The following SRGAP1 variants were observed in gnomAD, a reference collection of about 807,000 sequenced individuals.
SRGAP1 encodes the protein SLIT-ROBO Rho GTPase-activating protein 1.
A neutral mutation model predicts 121.9 loss-of-function variants in SRGAP1; 43 were observed. That is an observed-to-expected ratio of 0.35 (90% CI 0.28 to 0.46). SRGAP1 has a LOEUF of 0.46. Ranked by LOEUF, SRGAP1 falls within the 20% of genes least tolerant of loss-of-function variation. The probability of loss-of-function intolerance (pLI) is 1.00; values close to 1 mark genes in which losing one functional copy is unlikely to be tolerated. For missense variants in SRGAP1, 1,102 were observed against 1,350.9 expected, an observed-to-expected ratio of 0.82 and a Z score of 2.89; for synonymous variants, 447 against 485.4, an observed-to-expected ratio of 0.92 and a Z score of 1.04.
rs779037719 is a variant in SRGAP1, at chr12:63,844,900, C to G, written c.67+17C>G. The G allele has an allele frequency of 6.2e-7, 1 of 1,612,112 alleles. No individual in the cohort carries two copies. Among genetic ancestry groups the G allele is most frequent in the Non-Finnish European group, 8.5e-7 (1 of 1,178,270 alleles). On this transcript the variant is annotated intron_variant, in intron 1 of 21. Transcript: ENST00000355086. The surrounding 1 kb of genome is among the most constrained non-coding windows in gnomAD (Gnocchi z 4.3). ...AAGTCAAAGGTAAGGATGGGAGCGG[C>G]TGCCTTGCTCCTTTTGTGTGCCTTC...
At chr12:64,099,378 T>A (rs1165716628) in intron 15 of SRGAP1, among the ~76,000 whole-genome samples, 1 of 152,190 alleles carries the variant, frequency 6.6e-6, no homozygotes, top group Non-Finnish European at 1.5e-5. Flanking sequence ...CTAACATTTG[T>A]CCACTCCCGA....
intron 4 of SRGAP1, among the ~76,000 whole-genome samples, chr12:64,020,372 G>A (rs899052978): frequency 6.6e-6 from 1 of 152,112 alleles, no homozygotes; most frequent in Non-Finnish European, 1.5e-5. Context: ...AGACAGGATG[G>A]TGGCATTAGA....
chr12:64,051,668 C>T (rs904458011), intron 6 of SRGAP1, among the ~76,000 whole-genome samples: 1 of 152,100 alleles, frequency 6.6e-6, no homozygotes, highest in African/African-American at 2.4e-5. Flanking sequence ...TAGAGGTGAT[C>T]TAATGGTTTT....
chr12:64,014,971 C>A (rs7974336), intron 3 of SRGAP1, among the ~76,000 whole-genome samples: 1 of 64,472 alleles, frequency 1.6e-5, no homozygotes, highest in Admixed American at 1.4e-4. Context: ...TGTGTGCCAC[C>A]ACACCTGGCT....
At chr12:63,916,871 T>TC (rs1402092097) in intron 1 of SRGAP1, among the ~76,000 whole-genome samples, 2 of 152,166 alleles carry the variant, frequency 1.3e-5, no homozygotes, top group African/African-American at 4.8e-5. Flanking sequence ...CATTTATTTC[T>TC]CCTTGATTAA....
chr12:63,906,019 C>T (rs1164984785), intron 1 of SRGAP1, among the ~76,000 whole-genome samples: 1 of 152,076 alleles, frequency 6.6e-6, no homozygotes, highest in African/African-American at 2.4e-5. Context: ...AAAAGTTGGC[C>T]CCCTCATCTT....
intron 9 of SRGAP1, 84 bp from the exon 10 acceptor site, chr12:64,080,202 C>T: frequency 8.9e-7 from 1 of 1,129,768 alleles, no homozygotes; most frequent in Non-Finnish European, 1.2e-6. Context: ...AAGATCGCGC[C>T]ACTGCACTCC....
At chr12:64,009,470 C>T (rs2034189532) in intron 3 of SRGAP1, among the ~76,000 whole-genome samples, 1 of 152,152 alleles carries the variant, frequency 6.6e-6, no homozygotes, top group African/African-American at 2.4e-5. Flanking sequence ...TCAGCCCATT[C>T]AAATACTGTT....
At chr12:63,864,368 G>A (rs1899554082) in intron 1 of SRGAP1, among the ~76,000 whole-genome samples, 1 of 152,076 alleles carries the variant, frequency 6.6e-6, no homozygotes, top group Non-Finnish European at 1.5e-5. Context: ...CCCATTTTCA[G>A]ATACCATATA....
chr12:63,851,100 G>C (rs552363867), intron 1 of SRGAP1, among the ~76,000 whole-genome samples: 1 of 152,296 alleles, frequency 6.6e-6, no homozygotes. Flanking sequence ...AGGTTGCAGT[G>C]AGCTGAGATT....
At position 64,145,657 on chromosome 12, in the gene SRGAP1, G is replaced by A. The variant is rs2037040843; in HGVS notation, c.*2985G>A. On this transcript the variant is annotated 3_prime_UTR_variant, in exon 22 of 22. Transcript: ENST00000355086. ...TTACTTGGTTTATTAAATGTCTTCAGATTCCAGAGATAAGACAAGGTGGCC... is the reference window on the plus strand; with the variant it reads ...TTACTTGGTTTATTAAATGTCTTCAAATTCCAGAGATAAGACAAGGTGGCC... The A allele has an allele frequency of 6.6e-6, 1 of 151,800 alleles. No homozygotes were observed. 9.4% of individuals were successfully genotyped at this position (151,800 alleles called of 1,614,324 possible).
Position 64,144,909 on chromosome 12 carries a change from A to G in SRGAP1, c.*2237A>G, listed in dbSNP as rs538099895. ...GCCCAGGCCAGAGTACAGTGGTGCA[A>G]TCTCGGCTCCCTGCAACCTCCATCT... On this transcript the variant is annotated 3_prime_UTR_variant, in exon 22 of 22. Coordinates refer to ENST00000355086, the MANE Select transcript of SRGAP1 (RefSeq NM_020762.4). 28 of 135,274 alleles carry G rather than the reference A, an allele frequency of 2.1e-4. No individual in the cohort carries two copies. The highest frequency in any genetic ancestry group is 8.2e-4 in the African/African-American group (28 of 34,280). The allele number at this position is 135,274 out of a possible 1,614,324, so 8.4% of individuals were successfully genotyped here. A position where few individuals can be genotyped will look rare whatever the true frequency, so the allele number is the denominator to read the frequency against.
At chr12:64,098,198 CA>C (rs992536016) in intron 15 of SRGAP1, among the ~76,000 whole-genome samples, 3 of 151,412 alleles carry the variant, frequency 2.0e-5, no homozygotes, top group Admixed American at 6.6e-5. Flanking sequence ...GATCTGCCCT[CA>C]AAAAAAACAT....
chr12:64,109,422 T>C (rs2036397895), intron 16 of SRGAP1, among the ~76,000 whole-genome samples: 1 of 152,084 alleles, frequency 6.6e-6, no homozygotes, highest in Non-Finnish European at 1.5e-5. Flanking sequence ...ATATTGTAGT[T>C]GAGGATGGAA....
At chr12:64,130,815 G>C (rs992412913) in intron 21 of SRGAP1, among the ~76,000 whole-genome samples, 3 of 152,216 alleles carry the variant, frequency 2.0e-5, no homozygotes, top group Admixed American at 2.0e-4. Context: ...CTTGGCAGAA[G>C]CATTGTGTGC....
chr12:64,131,603 A>C (rs1294777835), intron 21 of SRGAP1, among the ~76,000 whole-genome samples: 1 of 152,168 alleles, frequency 6.6e-6, no homozygotes, highest in Non-Finnish European at 1.5e-5. Flanking sequence ...CTGTCAAGTG[A>C]TCATAGGGAA....
At chr12:63,846,445 A>T (rs1481410006) in intron 1 of SRGAP1, among the ~76,000 whole-genome samples, 1 of 152,178 alleles carries the variant, frequency 6.6e-6, no homozygotes, top group Non-Finnish European at 1.5e-5. Context: ...CGCCTAGAGC[A>T]CTAATTGGCA....
chr12:63,891,592 G>T (rs1352280762), intron 1 of SRGAP1, among the ~76,000 whole-genome samples: 2 of 152,128 alleles, frequency 1.3e-5, no homozygotes, highest in African/African-American at 4.8e-5. Context: ...GGCATGCTTT[G>T]TTGAGCTGAT....
At chr12:63,951,152 C>CTTTTTTTTTTTTTTTTTTTTTTTTT (rs58637983) in intron 1 of SRGAP1, among the ~76,000 whole-genome samples, 2 of 44,142 alleles carry the variant, frequency 4.5e-5, no homozygotes, top group African/African-American at 1.7e-4. Flanking sequence ...ATTTAGAACT[C>CTTTTTTTTTTTTTTTTTTTTTTTTT]TTTTTTTTTT....
Sources: allele counts gnomAD v4.1 joint callset (sites outside exome capture counted in the v4.1 genomes callset), GRCh38; gene constraint gnomAD v4.1.1; non-coding constraint Gnocchi (gnomAD v3.1); transcripts MANE v1.5; gene names NCBI Gene and HGNC (gene_info 2026-07-23, HGNC 2026-07-21).